The following DENND1A variants were observed in gnomAD, a reference collection of about 807,000 sequenced individuals.
The protein encoded by DENND1A is DENN domain-containing protein 1A.
DENND1A carries 51 observed loss-of-function variants against 113.7 expected under a neutral mutation model. The ratio of observed to expected loss-of-function variants is 0.45; its 90% CI spans 0.36 to 0.57. The LOEUF (loss-of-function observed/expected upper bound fraction) is 0.57, where lower values mean the gene tolerates loss of function less well. DENND1A is among the 20% of genes least tolerant of loss of function. The pLI, the probability that DENND1A is intolerant of heterozygous loss-of-function variation, is 0.00. For missense variants in DENND1A, 1,258 were observed against 1,395.9 expected (o/e 0.90, Z 1.57); for synonymous variants, 565 against 570.8 (o/e 0.99, Z 0.14).
At chr9:123,545,103 GA>G (rs34469127) in intron 13 of DENND1A, among the ~76,000 whole-genome samples, 8 of 144,230 alleles carry the variant, frequency 5.5e-5, no homozygotes, top group South Asian at 2.2e-4. Flanking sequence ...GTCTCAAAAA[GA>G]AAAAAAAAAA....
chr9:123,903,264 G>A (rs572905703), intron 1 of DENND1A, among the ~76,000 whole-genome samples: 9 of 143,636 alleles, frequency 6.3e-5, no homozygotes, highest in South Asian at 4.5e-4. Context: ...CCCGGGAGGC[G>A]GAGCTTGCAG....
intron 2 of DENND1A, among the ~76,000 whole-genome samples, chr9:123,863,550 G>A (rs1460526526): frequency 1.3e-5 from 2 of 151,932 alleles, no homozygotes; most frequent in Admixed American, 6.6e-5. Context: ...AAACTCGAGT[G>A]TGCTGACAAA....
intron 1 of DENND1A, among the ~76,000 whole-genome samples, chr9:123,924,202 T>A (rs1007729826): frequency 6.6e-6 from 1 of 152,164 alleles, no homozygotes; most frequent in African/African-American, 2.4e-5. Context: ...ATATATGAAA[T>A]GCCCATAAAA....
chr9:123,429,357 A>G (rs1161157879), intron 19 of DENND1A, among the ~76,000 whole-genome samples: 1 of 152,192 alleles, frequency 6.6e-6, no homozygotes, highest in African/African-American at 2.4e-5. Flanking sequence ...GGAGTTCAAG[A>G]CCAGCCTGGC....
chr9:123,423,186 A>C (rs2045442552), intron 19 of DENND1A, among the ~76,000 whole-genome samples: 1 of 152,202 alleles, frequency 6.6e-6, no homozygotes, highest in South Asian at 2.1e-4. Flanking sequence ...GAGACGGGAC[A>C]CTGACTTCCC....
chr9:123,387,958 GC>G (rs767386148), intron 21 of DENND1A, 100 bp from the exon 22 acceptor site: 20 of 1,186,430 alleles, frequency 1.7e-5, no homozygotes, highest in Non-Finnish European at 2.2e-5. Flanking sequence ...TCCACGCCTG[GC>G]CCTGCCTCTG....
chr9:123,614,530 C>A (rs916242624), intron 10 of DENND1A, among the ~76,000 whole-genome samples: 4 of 152,008 alleles, frequency 2.6e-5, no homozygotes, highest in African/African-American at 9.7e-5. Flanking sequence ...ATCATGTTCC[C>A]CTGAGGTGAG....
intron 9 of DENND1A, among the ~76,000 whole-genome samples, chr9:123,631,244 T>C (rs2061462583): frequency 6.6e-6 from 1 of 152,222 alleles, no homozygotes; most frequent in Admixed American, 6.5e-5. Context: ...CTACTCCTTG[T>C]AGTCAAGTTA....
intron 12 of DENND1A, among the ~76,000 whole-genome samples, chr9:123,565,537 G>A (rs2058008787): frequency 6.6e-6 from 1 of 152,188 alleles, no homozygotes; most frequent in East Asian, 1.9e-4. Context: ...GGGCAACAGA[G>A]TCACATTTTC....
intron 13 of DENND1A, among the ~76,000 whole-genome samples, chr9:123,505,357 G>C (rs2052833880): frequency 6.6e-6 from 1 of 152,196 alleles, no homozygotes; most frequent in South Asian, 2.1e-4. Context: ...TGTCTTTAAA[G>C]TGACTTGGGC....
chr9:123,897,739 G>C (rs1318515955), intron 1 of DENND1A, among the ~76,000 whole-genome samples: 1 of 152,122 alleles, frequency 6.6e-6, no homozygotes, highest in Non-Finnish European at 1.5e-5. Flanking sequence ...GAGGCCAAGA[G>C]AGAGGATCGC....
intron 5 of DENND1A, among the ~76,000 whole-genome samples, chr9:123,720,947 G>A (rs2067292942): frequency 6.6e-6 from 1 of 152,220 alleles, no homozygotes; most frequent in Non-Finnish European, 1.5e-5. Context: ...CAGAATGCTA[G>A]GGAATTAGGT....
intron 10 of DENND1A, among the ~76,000 whole-genome samples, chr9:123,620,511 T>A (rs911164158): frequency 6.6e-6 from 1 of 152,182 alleles, no homozygotes; most frequent in Non-Finnish European, 1.5e-5. Flanking sequence ...GTCACATCTT[T>A]AGTAGGACCA....
intron 12 of DENND1A, among the ~76,000 whole-genome samples, chr9:123,579,365 T>C (rs890212874): frequency 5.9e-5 from 9 of 152,334 alleles, no homozygotes; most frequent in East Asian, 1.9e-4. Flanking sequence ...CTTGAATCTC[T>C]AGGTAATGGG....
chr9:123,854,223 G>A (rs1323670233), intron 2 of DENND1A, among the ~76,000 whole-genome samples: 2 of 152,098 alleles, frequency 1.3e-5, no homozygotes, highest in East Asian at 1.9e-4. Context: ...AACACAAATG[G>A]CAACATTCAT....
At chr9:123,582,209 C>T (rs2058933920) in intron 12 of DENND1A, among the ~76,000 whole-genome samples, 2 of 152,106 alleles carry the variant, frequency 1.3e-5, no homozygotes, top group African/African-American at 4.8e-5. Flanking sequence ...GAAAACCCCG[C>T]CAGCTGCCTT....
At chr9:123,559,595 T>C (rs1312680550) in intron 12 of DENND1A, among the ~76,000 whole-genome samples, 1 of 152,188 alleles carries the variant, frequency 6.6e-6, no homozygotes, top group Non-Finnish European at 1.5e-5. Flanking sequence ...TGGGAAGGAC[T>C]AGATCATACT....
intron 21 of DENND1A, among the ~76,000 whole-genome samples, chr9:123,389,238 C>G (rs1391982570): frequency 6.6e-6 from 1 of 152,268 alleles, no homozygotes; most frequent in Admixed American, 6.5e-5. Flanking sequence ...AGAACGCTCA[C>G]TTCCTCCCAG....
At chr9:123,653,621 A>T (rs1243539051) in intron 8 of DENND1A, among the ~76,000 whole-genome samples, 3 of 152,224 alleles carry the variant, frequency 2.0e-5, no homozygotes, top group Non-Finnish European at 4.4e-5. Flanking sequence ...TCACGCAGTA[A>T]GTGGATGTGA....
Sources: allele counts gnomAD v4.1 joint callset (sites outside exome capture counted in the v4.1 genomes callset), GRCh38; gene constraint gnomAD v4.1.1; transcripts MANE v1.5; gene names NCBI Gene and HGNC (gene_info 2026-07-23, HGNC 2026-07-21).